AGBL1: variants seen among roughly 807,000 people sequenced by gnomAD.
AGBL1 encodes AGBL carboxypeptidase 1.
AGBL1 carries 130 observed loss-of-function variants against 118.9 expected under a neutral mutation model. That is an observed-to-expected ratio of 1.09 (90% CI 0.95 to 1.26). The LOEUF (loss-of-function observed/expected upper bound fraction) is 1.26. Among genes scored for constraint, AGBL1 ranks in the 50% most tolerant of loss-of-function variants. The probability of loss-of-function intolerance (pLI) is 0.00; values close to 1 mark genes in which losing one functional copy is unlikely to be tolerated. For synonymous variants in AGBL1, 555 were observed against 478.9 expected, an observed-to-expected ratio of 1.16 and a Z score of -2.08; for missense variants, 1,584 against 1,298.1, an observed-to-expected ratio of 1.22 and a Z score of -3.38.
intron 1 of AGBL1, among the ~76,000 whole-genome samples, chr15:86,112,969 T>G (rs1460637125): frequency 6.6e-6 from 1 of 152,130 alleles, no homozygotes; most frequent in Non-Finnish European, 1.5e-5. Context: ...AACACTAGGG[T>G]CAGATTTTTA....
intron 17 of AGBL1, among the ~76,000 whole-genome samples, chr15:86,320,843 C>G (rs1328913435): frequency 3.9e-5 from 6 of 152,144 alleles, no homozygotes; most frequent in Admixed American, 3.9e-4. Context: ...CTTCTTCCCA[C>G]ATCTATTATA....
chr15:86,877,203 C>T (rs927044196), intron 22 of AGBL1, among the ~76,000 whole-genome samples: 1 of 152,130 alleles, frequency 6.6e-6, no homozygotes, highest in African/African-American at 2.4e-5. Context: ...TTGTCTAGCT[C>T]ATTCTTCTGC....
chr15:86,884,369 C>T (rs2079939911), intron 22 of AGBL1, among the ~76,000 whole-genome samples: 2 of 152,146 alleles, frequency 1.3e-5, no homozygotes, highest in South Asian at 2.1e-4. Context: ...GCTACACAGA[C>T]CTGTGCACTA....
intron 5 of AGBL1, among the ~76,000 whole-genome samples, chr15:86,182,080 G>A (rs28653388): frequency 0.22 from 33,756 of 151,786 alleles, 4,315 homozygotes; most frequent in East Asian, 0.44. Flanking sequence ...CATAGAATGA[G>A]AGCATTAGCA....
At chr15:86,756,936 A>G (rs1028788696) in intron 22 of AGBL1, among the ~76,000 whole-genome samples, 5 of 146,824 alleles carry the variant, frequency 3.4e-5, no homozygotes, top group African/African-American at 1.3e-4. Context: ...GAATCCAATA[A>G]ACATGTCTTT....
chr15:86,279,992 G>T (rs1198827013), intron 16 of AGBL1, among the ~76,000 whole-genome samples: 1 of 152,218 alleles, frequency 6.6e-6, no homozygotes, highest in African/African-American at 2.4e-5. Flanking sequence ...GCACAAGGCT[G>T]AGCCTTGATC....
chr15:86,296,717 A>G (rs1403654455), intron 17 of AGBL1: 3 of 152,172 alleles, frequency 2.0e-5, no homozygotes, highest in Non-Finnish European at 4.4e-5. Context: ...ATTTTCCAAA[A>G]ATTCTCTTCT....
chr15:86,171,111 C>A (rs938755457), intron 5 of AGBL1, among the ~76,000 whole-genome samples: 1 of 152,074 alleles, frequency 6.6e-6, no homozygotes, highest in South Asian at 2.1e-4. Flanking sequence ...AAGACATCAT[C>A]AACAGCAGAC....
intron 22 of AGBL1, among the ~76,000 whole-genome samples, chr15:86,849,109 T>C (rs998728795): frequency 1.3e-5 from 2 of 152,226 alleles, no homozygotes; most frequent in Admixed American, 6.5e-5. Context: ...AGCTTTCTCA[T>C]TGAAAGCTAA....
intron 3 of AGBL1, 41 bp downstream of exon 3, chr15:86,143,886 T>C: frequency 6.2e-7 from 1 of 1,600,892 alleles, no homozygotes; most frequent in African/African-American, 1.3e-5. Flanking sequence ...GAAAAGGCAC[T>C]TCTAGGGTTG....
At position 86,907,565 on chromosome 15, in the gene AGBL1, A is replaced by C. The variant is rs1248504042; in HGVS notation, c.*271A>C. 3 of 152,184 alleles carry C rather than the reference A, an allele frequency of 2.0e-5. No individual in the cohort carries two copies. The highest frequency in any genetic ancestry group is 2.9e-5 in the Non-Finnish European group (2 of 68,032). 9.4% of individuals were successfully genotyped at this position (152,184 alleles called of 1,614,324 possible). On this transcript the variant is annotated 3_prime_UTR_variant, in exon 23 of 23. Transcript: ENST00000614907. ...AGAATGGGACCCAATGGGTAGCCTC[A>C]AGATTACCATGGATCCTTTCAAGAT...
intron 23 of AGBL1, among the ~76,000 whole-genome samples, chr15:86,984,054 G>C (rs2081256700): frequency 6.6e-6 from 1 of 152,128 alleles, no homozygotes; most frequent in Admixed American, 6.5e-5. Flanking sequence ...GTACCCAGGG[G>C]AGAAATTTTT....
chr15:86,361,720 A>AT (rs900798424), intron 17 of AGBL1, among the ~76,000 whole-genome samples: 11 of 151,960 alleles, frequency 7.2e-5, no homozygotes, highest in African/African-American at 2.7e-4. Context: ...TTTTGACAAT[A>AT]TTTTTTGTAT....
Position 86,249,722 on chromosome 15 carries a change from A to T in AGBL1, c.735+1843A>T, listed in dbSNP as rs531726800. On this transcript the variant is annotated intron_variant, in intron 7 of 22. Coordinates refer to ENST00000614907, the MANE Select transcript of AGBL1 (RefSeq NM_001386094.1). ...TCCTCTGCCCTCCATGTTATTGGCT[A>T]TTTCTCTGTTCTGTGCTAAAAAACC... Among the ~76,000 whole-genome samples the T allele has an allele frequency of 3.3e-5, 5 of 152,252 alleles. No homozygotes were observed. The South Asian group carries it at 8.3e-4, about 25-fold the overall frequency.
At chr15:86,945,733 G>A (rs995862464) in intron 23 of AGBL1, among the ~76,000 whole-genome samples, 3 of 152,120 alleles carry the variant, frequency 2.0e-5, no homozygotes, top group Non-Finnish European at 4.4e-5. Flanking sequence ...TTGAATAGTA[G>A]AATGATATGT....
At chr15:86,666,143 G>A (rs2085640146) in intron 21 of AGBL1, among the ~76,000 whole-genome samples, 1 of 152,110 alleles carries the variant, frequency 6.6e-6, no homozygotes, top group Admixed American at 6.6e-5. Flanking sequence ...AGACTAATAG[G>A]AGGAGAATCG....
At chr15:86,935,066 A>G (rs548900975) in intron 23 of AGBL1, 1 of 152,288 alleles carries the variant, frequency 6.6e-6, no homozygotes, top group Admixed American at 6.5e-5. Context: ...GTCTTGTCCT[A>G]TTTTGTAATC....
intron 24 of AGBL1, among the ~76,000 whole-genome samples, chr15:87,004,774 T>C (rs924995219): frequency 1.3e-5 from 2 of 152,218 alleles, no homozygotes; most frequent in African/African-American, 4.8e-5. Context: ...ATGCAGTTTC[T>C]TCCTAGCATT....
In AGBL1 at chr15:86,554,348, G is replaced by T. The variant is rs1197662950; in HGVS notation, c.2818-13G>T. The T allele has an allele frequency of 6.5e-7, 1 of 1,549,510 alleles. No homozygotes were observed. Among genetic ancestry groups the T allele is most frequent in the Non-Finnish European group, 8.7e-7 (1 of 1,148,218 alleles). ...CACAACTAATCATCGTTTGATTTTT[G>T]TTTTTACTGTAGACTCTTCCCAAAA... On this transcript the variant is annotated splice_polypyrimidine_tract_variant and intron_variant, in intron 20 of 22. Coordinates refer to ENST00000614907, the MANE Select transcript of AGBL1 (RefSeq NM_001386094.1).
Sources: gnomAD v4.1 joint callset for allele counts (sites outside exome capture counted in the v4.1 genomes callset) on GRCh38, gnomAD v4.1.1 for gene constraint, MANE v1.5 for transcripts, NCBI Gene and HGNC (gene_info 2026-07-23, HGNC 2026-07-21) for gene names.